The following PRODH2 variants were observed in gnomAD, a reference collection of about 807,000 sequenced individuals.
PRODH2 encodes the protein proline dehydrogenase 2.
Under a neutral mutation model 51.9 loss-of-function variants are expected in PRODH2, and 49 were observed. The observed-to-expected ratio is 0.94, with a 90% CI of 0.75 to 1.20. The LOEUF is 1.20. Ranked by LOEUF, PRODH2 falls within the 50% of genes most tolerant of loss-of-function variation. The pLI, the probability that PRODH2 is intolerant of heterozygous loss-of-function variation, is 0.00. For missense variants in PRODH2, 597 were observed against 610.9 expected (o/e 0.98, Z 0.24); for synonymous variants, 249 against 260.7 (o/e 0.96, Z 0.43).
intron 4 of PRODH2, among the ~76,000 whole-genome samples, chr19:35,809,182 C>T (rs1972563511): frequency 6.6e-6 from 1 of 151,750 alleles, no homozygotes; most frequent in Non-Finnish European, 1.5e-5. Flanking sequence ...CGCTCTCAAA[C>T]TTGCCAGCTC....
chr19:35,809,401 T>A (rs546932420), intron 4 of PRODH2, among the ~76,000 whole-genome samples: 1 of 152,020 alleles, frequency 6.6e-6, no homozygotes, highest in African/African-American at 2.4e-5. Context: ...AATTTTTTTG[T>A]AGAGATGAGA....
At chr19:35,805,412 G>C (rs531832348) in intron 7 of PRODH2, among the ~76,000 whole-genome samples, 1 of 152,074 alleles carries the variant, frequency 6.6e-6, no homozygotes, top group Admixed American at 6.6e-5. Context: ...GATTACCAGT[G>C]CAAGCCACCA....
chr19:35,808,072 C>T (rs530725744), intron 4 of PRODH2, among the ~76,000 whole-genome samples: 1 of 152,346 alleles, frequency 6.6e-6, no homozygotes, highest in East Asian at 1.9e-4. Context: ...TAATTATTGT[C>T]TCTTGCCCCT....
chr19:35,805,693 C>T (rs917525638), intron 7 of PRODH2, among the ~76,000 whole-genome samples: 16 of 152,198 alleles, frequency 1.1e-4, no homozygotes, highest in Non-Finnish European at 1.5e-4. Context: ...GACAGGTGCA[C>T]ACCACTGTGC....
At chr19:35,809,457 G>A (rs952916279) in intron 4 of PRODH2, among the ~76,000 whole-genome samples, 1 of 152,064 alleles carries the variant, frequency 6.6e-6, no homozygotes, top group Non-Finnish European at 1.5e-5. Flanking sequence ...GGGCTCAAGT[G>A]AGCCTCCAAT....
rs1391404496 is a variant in PRODH2 at position 35,806,562 on chromosome 19, G to T, written c.869C>A (p.Ala290Asp). 6 of 1,613,980 alleles carry T rather than the reference G, an allele frequency of 3.7e-6. No individual in the cohort carries two copies. In the Admixed American group the frequency reaches 1.0e-4, roughly 27 times the overall value. ...TFERLGRDAE[A>D]AHRAGLAFGV... ...GAAGGCCAGGCCGGCCCTGTGCGCA[G>T]CCTCTGCATCCCTCCCCAGCCGCTC... Residue 290 changes from alanine to aspartate, a missense_variant, in exon 7 of 10, where the codon GCT becomes GAT. By Grantham distance (126) the Ala-to-Asp change is moderately radical. Transcript: ENST00000653904.
Position 35,812,410 on chromosome 19 carries a change from T to C in PRODH2, c.321A>G (p.Pro107=), listed in dbSNP as rs781643398. 3.7e-6 allele frequency: 6 copies of C among 1,614,150 alleles called. No homozygotes were observed. Among genetic ancestry groups the C allele is most frequent in the Admixed American group, 1.7e-5 (1 of 60,022 alleles). ...VQQLRTLSLR[P]LLAVPTEEEP... ...CCTCCTCAGTGGGCACTGCCAGCAG[T>C]GGTCGGAGGCTGAGGGTCCGCAGCT... Residue 107 remains proline (P), a synonymous_variant, in exon 2 of 10, where the codon CCA becomes CCG. Coordinates refer to ENST00000653904, the MANE Select transcript of PRODH2 (RefSeq NM_021232.2).
At chr19:35,803,182 C>T in intron 7 of PRODH2, 104 bp from the exon 8 acceptor site, 1 of 650,898 alleles carries the variant, frequency 1.5e-6, no homozygotes, top group Non-Finnish European at 2.5e-6. Context: ...GGAACCAGTA[C>T]TCTGTTCCAT....
At chr19:35,802,041 A>T in intron 9 of PRODH2, 150 bp downstream of exon 9, 1 of 692,836 alleles carries the variant, frequency 1.4e-6, no homozygotes, top group Non-Finnish European at 2.6e-6. Context: ...AGACACAGAG[A>T]CACAGCCTTG....
intron 4 of PRODH2, 115 bp from the exon 5 acceptor site, chr19:35,807,236 C>G (rs774905303): frequency 2.0e-6 from 2 of 980,014 alleles, no homozygotes; most frequent in Non-Finnish European, 3.0e-6. Context: ...AATCAGGGCT[C>G]GAATCCAGGC....
Position 35,800,147 on chromosome 19 carries a change from C to T in PRODH2, c.1274G>A (p.Arg425Lys), listed in dbSNP as rs373040285. 6 of 1,605,764 alleles carry T rather than the reference C, an allele frequency of 3.7e-6. No homozygotes were observed. Among genetic ancestry groups the T allele is most frequent in the Non-Finnish European group, 5.1e-6 (6 of 1,175,962 alleles). ...LEEVIPYLIR[R>K]AQENRSVLQG... ...AAGCACGCTCCGGTTCTCCTGGGCC[C>T]TCCGGATCAGGTAGGGGATTACCTC... The change falls in exon 10 of 10, where the codon AGG becomes AAG. Residue 425 changes from arginine (R) to lysine (K), a missense_variant. By Grantham distance (26) the Arg-to-Lys change is conservative. Coordinates refer to ENST00000653904, the MANE Select transcript of PRODH2 (RefSeq NM_021232.2).
In PRODH2 at chr19:35,812,679, C is replaced by G. The variant is rs1202832156; in HGVS notation, c.127G>C (p.Val43Leu). The change falls in exon 1 of 10, where the codon GTT becomes CTT. Residue 43 changes from valine to leucine, a missense_variant. Val to Leu is a conservative substitution (Grantham distance 32). Coordinates refer to ENST00000653904, the MANE Select transcript of PRODH2 (RefSeq NM_021232.2). ...GGGGGCCAGGCACACAGCCGGAGAA[C>G]CAGCAAGGCCCGTGTCAGCTCTCCT... The part of the protein sequence containing the change: ...GTGELTRALL[V>L]LRLCAWPPLV... The G allele has an allele frequency of 1.0e-5, 16 of 1,603,360 alleles. No individual in the cohort carries two copies. Among genetic ancestry groups the G allele is most frequent in the Non-Finnish European group, 1.4e-5 (16 of 1,172,828 alleles).
chr19:35,806,190 A>G (rs1033494499), intron 7 of PRODH2, among the ~76,000 whole-genome samples: 1 of 151,952 alleles, frequency 6.6e-6, no homozygotes, highest in Non-Finnish European at 1.5e-5. Context: ...GCCTCAAGTG[A>G]TCCTCCCACC....
chr19:35,800,434 A>C (rs1972403361), intron 9 of PRODH2, among the ~76,000 whole-genome samples: 1 of 152,018 alleles, frequency 6.6e-6, no homozygotes, highest in Admixed American at 6.6e-5. Flanking sequence ...TTTTTAGTAG[A>C]GATGGGGTTT....
intron 4 of PRODH2, among the ~76,000 whole-genome samples, chr19:35,809,006 C>T (rs1428970192): frequency 6.6e-6 from 1 of 151,994 alleles, no homozygotes; most frequent in East Asian, 1.9e-4. Context: ...TCTCAAACTC[C>T]TGACCTCAAG....
intron 8 of PRODH2, 81 bp from the exon 9 acceptor site, chr19:35,802,357 G>A: frequency 1.7e-6 from 2 of 1,192,504 alleles, no homozygotes; most frequent in Non-Finnish European, 2.5e-6. Context: ...CCATATGGCG[G>A]CTCCAGTAAT....
Position 35,806,533 on chromosome 19 carries a change from C to T in PRODH2, c.898G>A (p.Val300Met), listed in dbSNP as rs1432160824. The T allele has an allele frequency of 2.5e-6, 4 of 1,614,208 alleles. No individual in the cohort carries two copies. In the South Asian group the frequency reaches 3.3e-5, roughly 13 times the overall value. Residue 300 changes from valine to methionine, a missense_variant, in exon 7 of 10, where the codon GTG (valine) becomes ATG (methionine). Val to Met is a conservative substitution (Grantham distance 21). Transcript: ENST00000653904. ...AGATATGCACCTCGTACCAGCTTCA[C>T]TCCGAAGGCCAGGCCGGCCCTGTGC... ...AAHRAGLAFG[V>M]KLVRGAYLDK...
chr19:35,803,069 G>T lies in PRODH2; in HGVS notation c.1011C>A (p.Arg337=). The T allele has an allele frequency of 6.5e-7, 1 of 1,539,508 alleles. No individual in the cohort carries two copies. The change falls in exon 8 of 10, where the codon CGC becomes CGA. Residue 337 remains arginine, a synonymous_variant. Coordinates refer to ENST00000653904, the MANE Select transcript of PRODH2 (RefSeq NM_021232.2). ...CGTGCGTCAGCATCAGTTCCAGGCA[G>T]CGGCTGTAACTGAAGGGAGATGCTC... ...DYEATSQSYS[R]CLELMLTHVA... is the part of the protein sequence containing the mutation.
intron 4 of PRODH2, among the ~76,000 whole-genome samples, chr19:35,807,329 G>A (rs1254870664): frequency 6.6e-6 from 1 of 152,140 alleles, no homozygotes; most frequent in Non-Finnish European, 1.5e-5. Flanking sequence ...TTGAAACAGA[G>A]TCTTGCTCTG....
Sources: allele counts gnomAD v4.1 joint callset (sites outside exome capture counted in the v4.1 genomes callset), GRCh38; gene constraint gnomAD v4.1.1; transcripts MANE v1.5; gene names NCBI Gene and HGNC (gene_info 2026-07-23, HGNC 2026-07-21).